REV3L: variants seen among roughly 807,000 people sequenced by gnomAD.
The protein encoded by REV3L is DNA polymerase zeta catalytic subunit.
REV3L carries 69 observed loss-of-function variants against 299.4 expected under a neutral mutation model. The ratio of observed to expected loss-of-function variants is 0.23; its 90% CI spans 0.19 to 0.28. REV3L has a LOEUF of 0.28. REV3L is among the 10% of genes least tolerant of loss of function. The pLI is 1.00. For synonymous variants in REV3L, 1,238 were observed against 1,271.4 expected (o/e 0.97, Z 0.56); for missense variants, 3,128 against 3,693.8 (o/e 0.85, Z 3.97).
chr6:111,322,991 G>T (rs921319454), intron 25 of REV3L, among the ~76,000 whole-genome samples: 1 of 148,062 alleles, frequency 6.8e-6, no homozygotes, highest in African/African-American at 2.5e-5. Context: ...CTTTATTCAA[G>T]AACTTTTTTT....
intron 1 of REV3L, among the ~76,000 whole-genome samples, chr6:111,427,040 C>T (rs1201012379): frequency 6.7e-6 from 1 of 149,500 alleles, no homozygotes; most frequent in Admixed American, 6.7e-5. Context: ...GTAAATAAAC[C>T]AAAGTCTCAA....
intron 4 of REV3L, among the ~76,000 whole-genome samples, chr6:111,397,959 A>G (rs1235772059): frequency 6.7e-6 from 1 of 148,934 alleles, no homozygotes; most frequent in East Asian, 2.2e-4. Context: ...TTCTTTTTTG[A>G]TTTTCTGTCT....
intron 26 of REV3L, among the ~76,000 whole-genome samples, chr6:111,316,607 A>G (rs1773551370): frequency 6.6e-6 from 1 of 151,682 alleles, no homozygotes; most frequent in African/African-American, 2.4e-5. Flanking sequence ...CAGAGGTTAC[A>G]GTGAGCTGAG....
At chr6:111,379,020 C>T (rs1427005137) in intron 11 of REV3L, among the ~76,000 whole-genome samples, 2 of 152,162 alleles carry the variant, frequency 1.3e-5, no homozygotes, top group Non-Finnish European at 2.9e-5. Flanking sequence ...ACTATTCAAT[C>T]TCTCTCTAAT....
At chr6:111,348,019 C>G (rs1357697204) in intron 20 of REV3L, among the ~76,000 whole-genome samples, 1 of 152,188 alleles carries the variant, frequency 6.6e-6, no homozygotes, top group African/African-American at 2.4e-5. Context: ...CCAGGCTACT[C>G]TCAAACTCCT....
At chr6:111,327,845 T>C (rs1157015440) in intron 25 of REV3L, among the ~76,000 whole-genome samples, 1 of 152,186 alleles carries the variant, frequency 6.6e-6, no homozygotes, top group African/African-American at 2.4e-5. Flanking sequence ...CTATAGATGG[T>C]ATTTTGCTGC....
At chr6:111,435,565 C>T (rs754656833) in intron 1 of REV3L, among the ~76,000 whole-genome samples, 2 of 152,138 alleles carry the variant, frequency 1.3e-5, no homozygotes, top group Admixed American at 6.6e-5. Context: ...GGGAAAAAAA[C>T]AGTCTCTTCA....
intron 1 of REV3L, among the ~76,000 whole-genome samples, chr6:111,422,274 TA>T (rs1467599125): frequency 2.0e-5 from 3 of 152,116 alleles, no homozygotes; most frequent in Non-Finnish European, 1.5e-5. Flanking sequence ...AATAAAGTTT[TA>T]TAAGAATACA....
chr6:111,405,194 A>G (rs1377662878), intron 4 of REV3L, among the ~76,000 whole-genome samples: 3 of 152,192 alleles, frequency 2.0e-5, no homozygotes, highest in East Asian at 3.8e-4. Flanking sequence ...TAAACCCACA[A>G]TACCTTTTAG....
At chr6:111,316,673 A>G (rs1773562022) in intron 26 of REV3L, among the ~76,000 whole-genome samples, 1 of 152,062 alleles carries the variant, frequency 6.6e-6, no homozygotes, top group Admixed American at 6.6e-5. Context: ...CTCAAAAAAA[A>G]AAAAGAAAAA....
At chr6:111,448,195 A>T (rs1322827975) in intron 1 of REV3L, among the ~76,000 whole-genome samples, 1 of 152,216 alleles carries the variant, frequency 6.6e-6, no homozygotes, top group African/African-American at 2.4e-5. Context: ...AGCCAAAGGC[A>T]AATGGGAAGA....
rs146348796 is a variant in REV3L, at chr6:111,396,087, C to T, written c.566-3115G>A. Among the ~76,000 whole-genome samples, 3 of 152,206 alleles carry T rather than the reference C, an allele frequency of 2.0e-5. No homozygotes were observed. The East Asian group carries it at 5.8e-4, about 29-fold the overall frequency. ...TGTCACCCAGGCTTGAGTACAGTGG[C>T]ATGATCTTGGCTTACTGTAACCTCC... On this transcript the variant is annotated intron_variant, in intron 4 of 31. Transcript: ENST00000368802.
Position 111,376,079 on chromosome 6 carries a change from G to C in REV3L, c.2276C>G (p.Ser759Cys). The C allele has an allele frequency of 6.2e-7, 1 of 1,613,796 alleles. No homozygotes were observed. Among genetic ancestry groups the C allele is most frequent in the Admixed American group, 1.7e-5 (1 of 60,012 alleles). The change falls in exon 13 of 32, where the codon TCT (serine) becomes TGT (cysteine). Residue 759 changes from serine to cysteine, a missense_variant. Coordinates refer to ENST00000368802, the MANE Select transcript of REV3L (RefSeq NM_001372078.1). ...ACTTTCATCAGCAGTGCTATTAAGA[G>C]AATGCACCATAGTTCTATTCTCCCC... The part of the protein sequence containing the change: ...CSGENRTMVH[S>C]LNSTADESGL...
At chr6:111,403,449 T>C (rs1783298077) in intron 4 of REV3L, among the ~76,000 whole-genome samples, 1 of 152,240 alleles carries the variant, frequency 6.6e-6, no homozygotes, top group Non-Finnish European at 1.5e-5. Context: ...GTGCCATTTT[T>C]ACAAGAGCAT....
At chr6:111,346,371 T>C (rs1016220322) in intron 20 of REV3L, among the ~76,000 whole-genome samples, 3 of 152,188 alleles carry the variant, frequency 2.0e-5, no homozygotes, top group Non-Finnish European at 4.4e-5. Flanking sequence ...AAGAGGTATT[T>C]TGCTTGTCAC....
intron 1 of REV3L, among the ~76,000 whole-genome samples, chr6:111,469,621 T>G (rs533355221): frequency 1.6e-4 from 24 of 152,324 alleles, no homozygotes; most frequent in African/African-American, 3.1e-4. Flanking sequence ...TAGTTACTTC[T>G]GTAAACCCTA....
At chr6:111,318,093 CTTTTTTT>C (rs531122236) in intron 26 of REV3L, among the ~76,000 whole-genome samples, 13 of 145,472 alleles carry the variant, frequency 8.9e-5, no homozygotes, top group South Asian at 4.4e-4. Flanking sequence ...TTTCTTTTTT[CTTTTTTT>C]TTTTTGAGAC....
At chr6:111,389,243 G>A (rs1367188943) in intron 6 of REV3L, 33 bp from the exon 7 acceptor site, 1 of 1,467,030 alleles carries the variant, frequency 6.8e-7, no homozygotes, top group East Asian at 2.3e-5. Flanking sequence ...ATACTACAGG[G>A]TCAAAGTAAG....
chr6:111,421,771 G>A (rs1785387315), intron 1 of REV3L, among the ~76,000 whole-genome samples: 1 of 152,048 alleles, frequency 6.6e-6, no homozygotes, highest in Non-Finnish European at 1.5e-5. Flanking sequence ...CCTCGACAGA[G>A]CTATAAAACA....
Sources: allele counts gnomAD v4.1 joint callset (sites outside exome capture counted in the v4.1 genomes callset), GRCh38; gene constraint gnomAD v4.1.1; transcripts MANE v1.5; gene names NCBI Gene and HGNC (gene_info 2026-07-23, HGNC 2026-07-21).